ZC3H12B: variants seen among roughly 807,000 people sequenced by gnomAD.
The protein encoded by ZC3H12B is probable ribonuclease ZC3H12B.
Under a neutral mutation model 43.9 loss-of-function variants are expected in ZC3H12B, and 7 were observed. The ratio of observed to expected loss-of-function variants is 0.16; its 90% CI spans 0.09 to 0.30. The LOEUF (loss-of-function observed/expected upper bound fraction) is 0.30. Ranked by LOEUF, ZC3H12B falls within the 10% of genes least tolerant of loss-of-function variation. The pLI is 1.00. For synonymous variants in ZC3H12B, 222 were observed against 241.7 expected, an observed-to-expected ratio of 0.92 and a Z score of 0.76; for missense variants, 475 against 670.2, an observed-to-expected ratio of 0.71 and a Z score of 3.22.
the ZC3H12B span, among the ~76,000 whole-genome samples, chrX:65,221,516 C>A: frequency 5.4e-5 from 6 of 111,128 alleles, no homozygotes; most frequent in African/African-American, 1.6e-4. Context: ...GATAATACAA[C>A]CAATATCACA....
At chrX:65,157,839 G>A in the ZC3H12B span, among the ~76,000 whole-genome samples, 31 of 105,749 alleles carry the variant, frequency 2.9e-4, no homozygotes, top group Non-Finnish European at 4.5e-4. Flanking sequence ...AGTTACATAT[G>A]TATACATGTG....
the ZC3H12B span, among the ~76,000 whole-genome samples, chrX:65,073,256 C>CA: frequency 8.9e-6 from 1 of 112,778 alleles, no homozygotes; most frequent in Non-Finnish European, 1.9e-5. Flanking sequence ...TGTCCATGCA[C>CA]ATGCATAGTG....
the ZC3H12B span, among the ~76,000 whole-genome samples, chrX:65,340,060 G>A: frequency 3.6e-5 from 4 of 111,813 alleles, no homozygotes. Context: ...ACCCCTACCA[G>A]TGACCCGTTC....
chrX:65,385,329 C>G (rs995308942), intron 2 of ZC3H12B, among the ~76,000 whole-genome samples: 3 of 111,638 alleles, frequency 2.7e-5, no homozygotes, highest in Non-Finnish European at 3.8e-5. Flanking sequence ...TTTCTTTGAG[C>G]AGTGGTTTGT....
At chrX:65,237,188 G>T in the ZC3H12B span, among the ~76,000 whole-genome samples, 1 of 112,105 alleles carries the variant, frequency 8.9e-6, no homozygotes, top group South Asian at 3.7e-4. Flanking sequence ...AGCATGGAAT[G>T]TTCTTCCATT....
chrX:65,239,990 C>T, the ZC3H12B span, among the ~76,000 whole-genome samples: 3 of 111,583 alleles, frequency 2.7e-5, no homozygotes, highest in South Asian at 1.1e-3. Flanking sequence ...TGGCATTTCT[C>T]TCACTTCCCT....
At chrX:65,287,227 G>T in the ZC3H12B span, among the ~76,000 whole-genome samples, 2 of 111,470 alleles carry the variant, frequency 1.8e-5, no homozygotes, top group Admixed American at 1.9e-4. Context: ...AACAACTGCA[G>T]AATATACTTT....
intron 3 of ZC3H12B, among the ~76,000 whole-genome samples, chrX:65,451,967 G>A (rs1482101791): frequency 1.2e-4 from 13 of 111,602 alleles, no homozygotes; most frequent in African/African-American, 3.6e-4. Context: ...TGGACATATA[G>A]GTGAAATAAT....
chrX:65,167,766 G>A, the ZC3H12B span, among the ~76,000 whole-genome samples: 3 of 111,663 alleles, frequency 2.7e-5, no homozygotes, highest in African/African-American at 9.8e-5. Context: ...TCCCTTGTAA[G>A]TTAGATTCCT....
At chrX:65,086,984 C>T in the ZC3H12B span, among the ~76,000 whole-genome samples, 1 of 110,182 alleles carries the variant, frequency 9.1e-6, no homozygotes, top group African/African-American at 3.3e-5. Flanking sequence ...GCCAGAGCAC[C>T]CTGAGCATGG....
chrX:65,069,351 T>C, the ZC3H12B span, among the ~76,000 whole-genome samples: 21 of 107,460 alleles, frequency 2.0e-4, no homozygotes, highest in Non-Finnish European at 3.8e-4. Flanking sequence ...TCAATGTATA[T>C]TTTAAAATAA....
At chrX:65,297,861 A>G in the ZC3H12B span, among the ~76,000 whole-genome samples, 1 of 111,904 alleles carries the variant, frequency 8.9e-6, no homozygotes, top group African/African-American at 3.2e-5. Flanking sequence ...CAGCCAACTG[A>G]TCTGCAACAA....
rs1019042046 is a variant in ZC3H12B, at chrX:65,379,975, G to T, written n.295+10977G>T. 2.7e-5 allele frequency among the ~76,000 whole-genome samples: 3 copies of T among 112,183 alleles called. No homozygotes were observed. In the Admixed American group the frequency reaches 2.8e-4, roughly 11 times the overall value. On this transcript the variant is annotated intron_variant and non_coding_transcript_variant, in intron 2 of 5. Coordinates refer to the ZC3H12B transcript ENST00000617377. ...GACTATGTGAAAAGACCAAATCTACGTCTGATTGGTGTACCTGAAAGTCAC... is the reference window on the plus strand; with the variant it reads ...GACTATGTGAAAAGACCAAATCTACTTCTGATTGGTGTACCTGAAAGTCAC...
the ZC3H12B span, among the ~76,000 whole-genome samples, chrX:65,060,216 C>G: frequency 8.9e-6 from 1 of 112,044 alleles, no homozygotes; most frequent in African/African-American, 3.2e-5. Context: ...TTTCTCCTGT[C>G]TCATTGTTCC....
Position 65,503,336 on chromosome X carries a change from C to T in ZC3H12B, c.*127C>T, listed in dbSNP as rs558289193. The T allele has an allele frequency of 1.8e-4, 103 of 579,273 alleles. No individual in the cohort carries two copies. The South Asian group carries it at 3.0e-3, about 17-fold the overall frequency. The allele number at this position is 579,273 out of a possible 1,213,427, so 47.7% of individuals were successfully genotyped here. ...AGTTAGAGTGTTTATATCATTTAAG[C>T]GCTTAACAACCCTGTGAGGTACGTC... On this transcript the variant is annotated 3_prime_UTR_variant, in exon 5 of 5. Transcript: ENST00000338957.
the ZC3H12B span, among the ~76,000 whole-genome samples, chrX:65,154,491 C>T: frequency 8.9e-6 from 1 of 111,954 alleles, no homozygotes; most frequent in African/African-American, 3.3e-5. Flanking sequence ...GGGGGATTTT[C>T]TACATGGACA....
chrX:65,207,848 T>C, the ZC3H12B span, among the ~76,000 whole-genome samples: 1 of 42,023 alleles, frequency 2.4e-5, no homozygotes, highest in African/African-American at 1.0e-4. Context: ...CCTCTTTTAT[T>C]TCCTTGAGCA....
the ZC3H12B span, among the ~76,000 whole-genome samples, chrX:65,204,351 G>A: frequency 9.0e-6 from 1 of 111,727 alleles, no homozygotes; most frequent in Non-Finnish European, 1.9e-5. Context: ...ATTCTTAAAT[G>A]GGTAAATTAG....
At chrX:65,321,751 A>G in the ZC3H12B span, among the ~76,000 whole-genome samples, 2 of 110,695 alleles carry the variant, frequency 1.8e-5, no homozygotes, top group African/African-American at 6.6e-5. Context: ...AGGGACATGG[A>G]TGGAGCTGTA....
Sources: allele counts gnomAD v4.1 joint callset (sites outside exome capture counted in the v4.1 genomes callset), GRCh38; gene constraint gnomAD v4.1.1; transcripts MANE v1.5; gene names NCBI Gene and HGNC (gene_info 2026-07-23, HGNC 2026-07-21).